Variants in INSL6 observed in about 807,000 individuals in gnomAD.
INSL6 encodes insulin-like peptide INSL6.
In INSL6, 16 loss-of-function variants were observed where a neutral mutation model predicts 9.4. The ratio of observed to expected loss-of-function variants is 1.70; its 90% CI spans 1.15 to 2.59. The LOEUF (loss-of-function observed/expected upper bound fraction) is 2.59. Among genes scored for constraint, INSL6 ranks in the 30% most tolerant of loss-of-function variants. The probability of loss-of-function intolerance (pLI) is 0.00; values close to 1 mark genes in which losing one functional copy is unlikely to be tolerated. For missense variants in INSL6, 391 were observed against 257.3 expected (o/e 1.52, Z -3.56); for synonymous variants, 154 against 96.9 (o/e 1.59, Z -3.46).
chr9:4,994,391 G>C, the INSL6 span, among the ~76,000 whole-genome samples: 6 of 152,130 alleles, frequency 3.9e-5, no homozygotes, highest in Non-Finnish European at 7.4e-5. Context: ...ATTGCCGCTG[G>C]GCCCCACCCC....
At chr9:5,023,371 G>C in the INSL6 span, among the ~76,000 whole-genome samples, 3 of 152,138 alleles carry the variant, frequency 2.0e-5, no homozygotes, top group Non-Finnish European at 4.4e-5. Flanking sequence ...GGCCCCAGGG[G>C]AGTACGCATT....
At chr9:5,183,892 T>G (rs7045342) in intron 1 of INSL6, among the ~76,000 whole-genome samples, 1 of 151,924 alleles carries the variant, frequency 6.6e-6, no homozygotes, top group Non-Finnish European at 1.5e-5. Context: ...CCACCCCAGG[T>G]CTACTAACTC....
chr9:5,126,192 A>G, intron 3 of INSL6: 1 of 572,184 alleles, frequency 1.7e-6, no homozygotes, highest in Non-Finnish European at 3.1e-6. Flanking sequence ...TTTGATCCTA[A>G]AAGTAGTTTG....
At chr9:5,119,034 C>G (rs1823415505), downstream of INSL6, among the ~76,000 whole-genome samples, 1 of 152,054 alleles carries the variant, frequency 6.6e-6, no homozygotes, top group African/African-American at 2.4e-5. Flanking sequence ...TTTGAAAAAA[C>G]AGACTATTAT....
chr9:5,078,564 A>C, the INSL6 span: 2 of 752,462 alleles, frequency 2.7e-6, no homozygotes, highest in Non-Finnish European at 4.2e-6. Flanking sequence ...TTAATAATAA[A>C]ATTATCACTT....
the INSL6 span, among the ~76,000 whole-genome samples, chr9:5,056,529 A>T: frequency 6.6e-6 from 1 of 152,062 alleles, no homozygotes; most frequent in East Asian, 1.9e-4. Flanking sequence ...CAACTCACTT[A>T]ATTCAGCATA....
chr9:4,999,613 C>G, the INSL6 span, among the ~76,000 whole-genome samples: 3 of 152,142 alleles, frequency 2.0e-5, no homozygotes, highest in Non-Finnish European at 2.9e-5. Context: ...GCTTGAGGAG[C>G]AAGGAGAGCC....
At chr9:5,112,465 CG>C in the INSL6 span, 1 of 543,486 alleles carries the variant, frequency 1.8e-6, no homozygotes. Context: ...GAAGGACCCC[CG>C]GGACCGGACC....
At chr9:5,156,091 C>G (rs1824810663) in intron 2 of INSL6, among the ~76,000 whole-genome samples, 1 of 151,810 alleles carries the variant, frequency 6.6e-6, no homozygotes. Context: ...AAACTTTATG[C>G]CAATAAATAT....
chr9:5,147,492 C>G (rs1465201270), intron 2 of INSL6, among the ~76,000 whole-genome samples: 1 of 152,208 alleles, frequency 6.6e-6, no homozygotes, highest in Non-Finnish European at 1.5e-5. Flanking sequence ...GGCTTGATAG[C>G]TCTGGCAGGG....
intron 1 of INSL6, among the ~76,000 whole-genome samples, chr9:5,177,462 C>T (rs1581927): frequency 0.37 from 56,323 of 152,036 alleles, 11,556 homozygotes; most frequent in African/African-American, 0.57. Context: ...TTGGGTTCGA[C>T]ACACAGAGCT....
chr9:5,042,239 G>A, the INSL6 span, among the ~76,000 whole-genome samples: 7 of 146,890 alleles, frequency 4.8e-5, no homozygotes, highest in Non-Finnish European at 1.0e-4. Flanking sequence ...CCGGGTTCCC[G>A]CCATTCTCCT....
At chr9:5,022,525 T>A in the INSL6 span, among the ~76,000 whole-genome samples, 3 of 152,192 alleles carry the variant, frequency 2.0e-5, no homozygotes, top group Non-Finnish European at 4.4e-5. Context: ...TAAAGCTAGA[T>A]CCTGAGAGCA....
At chr9:5,022,306 AT>A in the INSL6 span, 3 of 744,826 alleles carry the variant, frequency 4.0e-6, no homozygotes, top group Non-Finnish European at 4.2e-6. Context: ...ATATATTTTT[AT>A]TTTTTTAATG....
the INSL6 span, among the ~76,000 whole-genome samples, chr9:5,015,549 T>G: frequency 6.6e-6 from 1 of 151,528 alleles, no homozygotes; most frequent in Admixed American, 6.6e-5. Flanking sequence ...TTTTTTTTTT[T>G]TTTGAGACAA....
chr9:5,015,309 C>T, the INSL6 span, among the ~76,000 whole-genome samples: 5 of 152,146 alleles, frequency 3.3e-5, no homozygotes, highest in East Asian at 7.7e-4. Flanking sequence ...GTTCTCAGAA[C>T]GTGGTCTCTA....
intron 1 of INSL6, among the ~76,000 whole-genome samples, chr9:5,178,402 T>G (rs1167774449): frequency 6.6e-6 from 1 of 151,930 alleles, no homozygotes; most frequent in African/African-American, 2.4e-5. Flanking sequence ...TACAGCTGCT[T>G]TGGCAGATTG....
intron 2 of INSL6, among the ~76,000 whole-genome samples, chr9:5,152,078 AG>A (rs1824723872): frequency 1.3e-5 from 2 of 152,352 alleles, no homozygotes; most frequent in South Asian, 4.1e-4. Context: ...AAATACATTA[AG>A]AACGAATGCA....
chr9:5,158,761 A>C (rs1206494529), intron 2 of INSL6, among the ~76,000 whole-genome samples: 2 of 152,210 alleles, frequency 1.3e-5, no homozygotes, highest in African/African-American at 2.4e-5. Context: ...TAATTCTTCA[A>C]CCTAAAAGAA....
Sources: allele counts gnomAD v4.1 joint callset (sites outside exome capture counted in the v4.1 genomes callset), GRCh38; gene constraint gnomAD v4.1.1; transcripts MANE v1.5; gene names NCBI Gene and HGNC (gene_info 2026-07-23, HGNC 2026-07-21).